Variants in HYCC1 observed in about 807,000 individuals in gnomAD.
The protein encoded by HYCC1 is hyccin PI4KA lipid kinase complex subunit 1.
chr7:22,981,033 G>A, the HYCC1 span, among the ~76,000 whole-genome samples: 7 of 152,024 alleles, frequency 4.6e-5, no homozygotes, highest in East Asian at 1.9e-4. Context: ...CTCCTAATTC[G>A]TTTGGATCTT....
At chr7:22,993,470 G>C in the HYCC1 span, among the ~76,000 whole-genome samples, 1 of 152,078 alleles carries the variant, frequency 6.6e-6, no homozygotes, top group South Asian at 2.1e-4. Context: ...AAAGCCATAG[G>C]GTGGCAGATG....
At chr7:22,914,832 G>A in the HYCC1 span, among the ~76,000 whole-genome samples, 58 of 151,750 alleles carry the variant, frequency 3.8e-4, no homozygotes, top group African/African-American at 1.2e-3. Context: ...CTCAGCCTCC[G>A]CTCCCCTACT....
the HYCC1 span, chr7:22,978,240 A>C: frequency 1.2e-6 from 2 of 1,606,916 alleles, no homozygotes; most frequent in Non-Finnish European, 1.7e-6. Flanking sequence ...TTGTCAAAAA[A>C]GATTTTGTTA....
the HYCC1 span, among the ~76,000 whole-genome samples, chr7:22,991,525 T>C: frequency 6.6e-6 from 1 of 152,138 alleles, no homozygotes; most frequent in Non-Finnish European, 1.5e-5. Context: ...ATTGACTTTA[T>C]AGAAAGCATT....
the HYCC1 span, among the ~76,000 whole-genome samples, chr7:22,962,461 G>A: frequency 6.6e-6 from 1 of 151,780 alleles, no homozygotes; most frequent in Admixed American, 6.6e-5. Flanking sequence ...AAAGTACAAA[G>A]AGCCAGCCAG....
chr7:22,983,586 T>C, the HYCC1 span, among the ~76,000 whole-genome samples: 2 of 152,228 alleles, frequency 1.3e-5, no homozygotes, highest in African/African-American at 4.8e-5. Context: ...TCTCCCACTT[T>C]CCTCTTTCAG....
At chr7:22,908,461 G>C in the HYCC1 span, among the ~76,000 whole-genome samples, 3 of 152,122 alleles carry the variant, frequency 2.0e-5, no homozygotes, top group Non-Finnish European at 2.9e-5. Context: ...CTCTATTCTG[G>C]TCTTCCAGGC....
the HYCC1 span, chr7:22,942,770 C>A: frequency 6.6e-6 from 1 of 152,074 alleles, no homozygotes; most frequent in Non-Finnish European, 1.5e-5. Flanking sequence ...CCCCAATTTT[C>A]AAATTTGAAA....
At chr7:22,973,532 A>T in the HYCC1 span, among the ~76,000 whole-genome samples, 3 of 152,198 alleles carry the variant, frequency 2.0e-5, no homozygotes, top group Admixed American at 1.3e-4. Flanking sequence ...GTTAAGAGTT[A>T]GCATTATTTA....
chr7:22,989,285 AACACAC>A, the HYCC1 span, among the ~76,000 whole-genome samples: 3,616 of 148,664 alleles, frequency 0.024, 151 homozygotes, highest in African/African-American at 0.084. Flanking sequence ...ACAAGCAGGA[AACACAC>A]ACACACACAC....
At chr7:22,991,076 CCA>C in the HYCC1 span, 1 of 1,608,654 alleles carries the variant, frequency 6.2e-7, no homozygotes, top group South Asian at 1.1e-5. Flanking sequence ...ACTCTGACAA[CCA>C]TTCCTCCACA....
chr7:22,920,774 A>C, the HYCC1 span, among the ~76,000 whole-genome samples: 1 of 152,118 alleles, frequency 6.6e-6, no homozygotes, highest in African/African-American at 2.4e-5. Flanking sequence ...GTCCCCTACA[A>C]ATCTCGTGTT....
At chr7:22,917,897 C>T in the HYCC1 span, among the ~76,000 whole-genome samples, 2 of 152,064 alleles carry the variant, frequency 1.3e-5, no homozygotes, top group African/African-American at 4.8e-5. Context: ...ATTCTTATGC[C>T]ATCCTCTACC....
chr7:22,928,852 T>C, the HYCC1 span, among the ~76,000 whole-genome samples: 3 of 151,992 alleles, frequency 2.0e-5, no homozygotes, highest in East Asian at 1.9e-4. Flanking sequence ...TTAAAGTTCA[T>C]AGGGAACCAA....
chr7:22,995,087 G>C, the HYCC1 span, among the ~76,000 whole-genome samples: 22 of 152,230 alleles, frequency 1.4e-4, no homozygotes, highest in Middle Eastern at 3.4e-3. Context: ...ACCAAATAGT[G>C]ATTGCATTTC....
chr7:22,927,137 G>A, the HYCC1 span, among the ~76,000 whole-genome samples: 1 of 152,118 alleles, frequency 6.6e-6, no homozygotes, highest in African/African-American at 2.4e-5. Context: ...AAACCAACGA[G>A]AACAAAGATA....
the HYCC1 span, among the ~76,000 whole-genome samples, chr7:22,995,646 T>A: frequency 0.056 from 7,836 of 138,934 alleles, 281 homozygotes; most frequent in Non-Finnish European, 0.082. Context: ...CATGAGGCCA[T>A]ACTCATATAA....
At chr7:23,012,099 G>C in the HYCC1 span, among the ~76,000 whole-genome samples, 2 of 152,098 alleles carry the variant, frequency 1.3e-5, no homozygotes, top group Admixed American at 6.5e-5. Context: ...GCCTGGAAGA[G>C]TGAAAAAATA....
chr7:22,941,046 T>C, the HYCC1 span: 1 of 152,092 alleles, frequency 6.6e-6, no homozygotes, highest in African/African-American at 2.4e-5. Flanking sequence ...ATCTTCATCT[T>C]TGGATGAATA....
Sources: allele counts gnomAD v4.1 joint callset (sites outside exome capture counted in the v4.1 genomes callset), GRCh38; gene constraint gnomAD v4.1.1; transcripts MANE v1.5; gene names NCBI Gene and HGNC (gene_info 2026-07-23, HGNC 2026-07-21).